Variants in CELF2 observed in about 807,000 individuals in gnomAD.
The protein encoded by CELF2 is CUG triplet repeat RNA-binding protein 2.
In CELF2, 8 loss-of-function variants were observed where a neutral mutation model predicts 62.6. The observed-to-expected ratio is 0.13, with a 90% confidence interval of 0.07 to 0.23. The LOEUF (loss-of-function observed/expected upper bound fraction) is 0.23. Ranked by LOEUF, CELF2 falls within the 10% of genes least tolerant of loss-of-function variation. The pLI, the probability that CELF2 is intolerant of heterozygous loss-of-function variation, is 1.00. For missense variants in CELF2, 333 were observed against 671.0 expected (o/e 0.50, Z 5.56); for synonymous variants, 258 against 250.0 (o/e 1.03, Z -0.30).
intron 1 of CELF2, among the ~76,000 whole-genome samples, chr10:10,837,222 T>C (rs2058357894): frequency 6.6e-6 from 1 of 152,190 alleles, no homozygotes; most frequent in African/African-American, 2.4e-5. Flanking sequence ...TCCTCCATAT[T>C]GTTCTGGAGG....
At chr10:11,036,967 G>C (rs1051910152) in intron 1 of CELF2, among the ~76,000 whole-genome samples, 1 of 152,084 alleles carries the variant, frequency 6.6e-6, no homozygotes, top group South Asian at 2.1e-4. Flanking sequence ...CTGACTGTGG[G>C]CGTCTTGCGC....
the CELF2 span, among the ~76,000 whole-genome samples, chr10:10,529,462 G>A: frequency 2.6e-5 from 4 of 152,066 alleles, no homozygotes; most frequent in East Asian, 1.9e-4. Flanking sequence ...CAACGTGGGC[G>A]GATCATGAAG....
chr10:10,652,775 A>G, the CELF2 span, among the ~76,000 whole-genome samples: 1 of 152,148 alleles, frequency 6.6e-6, no homozygotes. Flanking sequence ...ATCATGCCAA[A>G]ATGTAAAGAC....
chr10:10,675,509 T>G, the CELF2 span, among the ~76,000 whole-genome samples: 1 of 152,144 alleles, frequency 6.6e-6, no homozygotes, highest in African/African-American at 2.4e-5. Flanking sequence ...GATCTGTGGT[T>G]TGGTGTCTGA....
intron 1 of CELF2, among the ~76,000 whole-genome samples, chr10:11,064,947 T>A (rs2067694289): frequency 6.6e-6 from 1 of 152,206 alleles, no homozygotes; most frequent in Non-Finnish European, 1.5e-5. Flanking sequence ...TCAGGAATGT[T>A]TCTTTCTCAA....
chr10:10,563,050 C>T, the CELF2 span, among the ~76,000 whole-genome samples: 1 of 152,104 alleles, frequency 6.6e-6, no homozygotes, highest in Non-Finnish European at 1.5e-5. Context: ...GACATGGTTG[C>T]CATGTAAATG....
intron 3 of CELF2, among the ~76,000 whole-genome samples, chr10:11,226,689 C>T (rs970710724): frequency 1.3e-5 from 2 of 151,956 alleles, no homozygotes; most frequent in African/African-American, 4.8e-5. Context: ...CTGGCAGCGG[C>T]TGTGCCCAAG....
chr10:10,640,337 G>A, the CELF2 span, among the ~76,000 whole-genome samples: 2 of 152,144 alleles, frequency 1.3e-5, no homozygotes, highest in East Asian at 3.9e-4. Flanking sequence ...TTTTCATGCT[G>A]TTGTTCCTGC....
rs1387635640 is a variant in CELF2 at position 11,224,817 on chromosome 10, A to G, written c.354+7310A>G. On this transcript the variant is annotated intron_variant, in intron 3 of 12. Transcript: ENST00000633077. The surrounding 1 kb of genome is among the most constrained non-coding windows in gnomAD (Gnocchi z 4.5). Reference sequence around the variant, plus strand: ...GCTTTAGGCCACACAAAAAGCATACAGCATGGGTAGATGTGGAGAGAGTTC... The same window carrying G: ...GCTTTAGGCCACACAAAAAGCATACGGCATGGGTAGATGTGGAGAGAGTTC... 6.6e-6 allele frequency among the ~76,000 whole-genome samples: 1 copy of G among 152,198 alleles called. No individual in the cohort carries two copies. Among genetic ancestry groups the G allele is most frequent in the Non-Finnish European group, 1.5e-5 (1 of 68,028 alleles).
intron 1 of CELF2, among the ~76,000 whole-genome samples, chr10:11,095,922 A>T (rs183807038): frequency 3.5e-4 from 54 of 152,350 alleles, no homozygotes; most frequent in East Asian, 1.5e-3. Flanking sequence ...TTAAAAAAAA[A>T]ATATCCTTAG....
chr10:11,245,619 G>A (rs377120815), intron 3 of CELF2, among the ~76,000 whole-genome samples: 38 of 152,322 alleles, frequency 2.5e-4, no homozygotes, highest in East Asian at 1.5e-3. Context: ...CTGCTGCTTC[G>A]CAGAGCCTTC....
At chr10:10,888,340 C>T (rs2061901630) in intron 1 of CELF2, among the ~76,000 whole-genome samples, 1 of 152,154 alleles carries the variant, frequency 6.6e-6, no homozygotes, top group South Asian at 2.1e-4. Flanking sequence ...GGCACAGGCA[C>T]AGGCACCCCT....
intron 1 of CELF2, among the ~76,000 whole-genome samples, chr10:11,128,502 T>C (rs536130368): frequency 4.6e-5 from 7 of 152,324 alleles, no homozygotes; most frequent in Middle Eastern, 3.4e-3. Flanking sequence ...ATTCTTCCTA[T>C]CCATGAGCAT....
the CELF2 span, among the ~76,000 whole-genome samples, chr10:10,547,874 C>T: frequency 6.6e-6 from 1 of 152,110 alleles, no homozygotes; most frequent in Non-Finnish European, 1.5e-5. Context: ...CATCATCCTA[C>T]CTTCTGAGAG....
chr10:11,081,206 A>G (rs1182254559), intron 1 of CELF2, among the ~76,000 whole-genome samples: 1 of 152,232 alleles, frequency 6.6e-6, no homozygotes, highest in African/African-American at 2.4e-5. Context: ...TCTCATGTTA[A>G]TAGCATCAGC....
the CELF2 span, among the ~76,000 whole-genome samples, chr10:10,598,878 C>T: frequency 1.1e-4 from 17 of 150,350 alleles, no homozygotes; most frequent in South Asian, 6.3e-4. Flanking sequence ...TCAGCCTCCC[C>T]GGTAGCTAGG....
chr10:10,589,528 C>G, the CELF2 span, among the ~76,000 whole-genome samples: 1 of 152,166 alleles, frequency 6.6e-6, no homozygotes, highest in African/African-American at 2.4e-5. Flanking sequence ...ATTTTTGTTT[C>G]CAATTCGTAC....
rs1012843007 is a variant in CELF2 at position 10,885,939 on chromosome 10, T to C, written c.54-34025T>C. 2.6e-5 allele frequency among the ~76,000 whole-genome samples: 4 copies of C among 152,218 alleles called. No homozygotes were observed. In the South Asian group the frequency reaches 8.3e-4, roughly 32 times the overall value. On this transcript the variant is annotated intron_variant, in intron 1 of 13. Transcript: ENST00000636488. ...TCACATCTGCAAACCCCTTTTGCCA[T>C]ACAAAATAAAATTTTCACAAGTTCC... is the stretch of plus-strand genomic sequence containing the variant.
At chr10:10,587,417 C>T in the CELF2 span, among the ~76,000 whole-genome samples, 1 of 152,118 alleles carries the variant, frequency 6.6e-6, no homozygotes, top group African/African-American at 2.4e-5. Flanking sequence ...CCCTTGAAAC[C>T]TCTGCCAGAC....
Sources: gnomAD v4.1 joint callset for allele counts (sites outside exome capture counted in the v4.1 genomes callset) on GRCh38, gnomAD v4.1.1 for gene constraint, Gnocchi (gnomAD v3.1) non-coding constraint, MANE v1.5 for transcripts, NCBI Gene and HGNC (gene_info 2026-07-23, HGNC 2026-07-21) for gene names.